TMC1: variants seen among roughly 807,000 people sequenced by gnomAD.
TMC1 encodes the protein transmembrane channel-like protein 1.
Under a neutral mutation model 105.8 loss-of-function variants are expected in TMC1, and 84 were observed. The observed-to-expected ratio is 0.79, with a 90% CI of 0.67 to 0.95. The LOEUF is 0.95. Among genes scored for constraint, TMC1 ranks in the 40% least tolerant of loss-of-function variants. The pLI is 0.00. For missense variants in TMC1, 817 were observed against 914.1 expected (o/e 0.89, Z 1.37); for synonymous variants, 315 against 311.5 (o/e 1.01, Z -0.12).
chr9:72,805,971 G>A (rs955582305), intron 18 of TMC1, among the ~76,000 whole-genome samples: 62 of 152,160 alleles, frequency 4.1e-4, no homozygotes, highest in African/African-American at 1.4e-3. Flanking sequence ...GCAACCATCC[G>A]ATTTCTCAAT....
At position 72,830,436 on chromosome 9, in the gene TMC1, T is replaced by C; in HGVS notation, c.2130-15T>C. ...AAATATACCTTACACTGTATTTTTTTTCTTTTTAATTTAGTTTGGCCATCT... is the reference window on the plus strand; with the variant it reads ...AAATATACCTTACACTGTATTTTTTCTCTTTTTAATTTAGTTTGGCCATCT... On this transcript the variant is annotated splice_polypyrimidine_tract_variant and intron_variant, in intron 21 of 23. Transcript: ENST00000297784. 1.9e-6 allele frequency: 3 copies of C among 1,592,670 alleles called. No homozygotes were observed. The highest frequency in any genetic ancestry group is 2.6e-6 in the Non-Finnish European group (3 of 1,161,260).
chr9:72,687,351 C>T (rs1166295704), intron 5 of TMC1, among the ~76,000 whole-genome samples: 2 of 152,098 alleles, frequency 1.3e-5, no homozygotes, highest in Non-Finnish European at 2.9e-5. Flanking sequence ...CCTTCTTTGA[C>T]TGAAGAAGCT....
intron 8 of TMC1, among the ~76,000 whole-genome samples, chr9:72,739,564 G>A (rs1156978050): frequency 1.3e-5 from 2 of 152,108 alleles, no homozygotes; most frequent in Non-Finnish European, 1.5e-5. Context: ...ATGTGAGGCC[G>A]AAAGTATTCC....
At chr9:72,530,183 T>C (rs1823474927) in intron 1 of TMC1, among the ~76,000 whole-genome samples, 1 of 152,096 alleles carries the variant, frequency 6.6e-6, no homozygotes, top group Non-Finnish European at 1.5e-5. Context: ...GTTTCTTTCT[T>C]TCTTTCTTTC....
At chr9:72,743,854 T>G (rs1289828894) in intron 10 of TMC1, among the ~76,000 whole-genome samples, 4 of 152,166 alleles carry the variant, frequency 2.6e-5, no homozygotes, top group Non-Finnish European at 5.9e-5. Flanking sequence ...AAAATAATAA[T>G]CTAAAAAAAG....
At chr9:72,783,860 C>T (rs1168084248) in intron 13 of TMC1, among the ~76,000 whole-genome samples, 1 of 152,148 alleles carries the variant, frequency 6.6e-6, no homozygotes, top group Non-Finnish European at 1.5e-5. Context: ...AAGCTGGACT[C>T]TTTCCTTTCA....
intron 3 of TMC1, among the ~76,000 whole-genome samples, chr9:72,622,505 A>G (rs751717179): frequency 5.3e-5 from 8 of 152,148 alleles, no homozygotes; most frequent in Non-Finnish European, 8.8e-5. Flanking sequence ...TCCTTTTAAA[A>G]TTCTTGATGC....
At position 72,589,986 on chromosome 9, in the gene TMC1, G is replaced by A. The variant is rs990125232; in HGVS notation, c.-306+11963G>A. ...CTGTGTTTGGGCTGAGGGAGAAGCA[G>A]CTTCTTAGCTTCTGCTATGCTGACT... On this transcript the variant is annotated intron_variant, in intron 2 of 23. Transcript: ENST00000297784. Among the ~76,000 whole-genome samples the A allele has an allele frequency of 3.3e-5, 5 of 152,306 alleles. No individual in the cohort carries two copies. In the South Asian group the frequency reaches 8.3e-4, roughly 25 times the overall value.
At chr9:72,657,741 G>T (rs1370640140) in intron 5 of TMC1, among the ~76,000 whole-genome samples, 1 of 152,090 alleles carries the variant, frequency 6.6e-6, no homozygotes, top group Non-Finnish European at 1.5e-5. Flanking sequence ...GAAACTTGAA[G>T]AAGGGTTGTA....
intron 8 of TMC1, among the ~76,000 whole-genome samples, chr9:72,737,581 A>G (rs528537309): frequency 6.6e-6 from 1 of 152,154 alleles, no homozygotes. Context: ...AGCATCAGAA[A>G]CATGGGCAAG....
intron 5 of TMC1, among the ~76,000 whole-genome samples, chr9:72,685,853 G>A (rs36043078): frequency 0.046 from 6,972 of 152,208 alleles, 206 homozygotes; most frequent in Middle Eastern, 0.068. Context: ...ATTGCTTCAA[G>A]AAGTAAATGT....
At chr9:72,647,433 T>C (rs952456992) in intron 4 of TMC1, among the ~76,000 whole-genome samples, 1 of 152,152 alleles carries the variant, frequency 6.6e-6, no homozygotes, top group African/African-American at 2.4e-5. Flanking sequence ...ATAAATCAAA[T>C]TGCATGTTGT....
At chr9:72,659,804 T>A (rs1364845853) in intron 5 of TMC1, among the ~76,000 whole-genome samples, 3 of 152,218 alleles carry the variant, frequency 2.0e-5, no homozygotes, top group Non-Finnish European at 4.4e-5. Context: ...TTAGAACTTT[T>A]ATGAGAAAGA....
intron 7 of TMC1, among the ~76,000 whole-genome samples, chr9:72,697,876 GTTTTA>G (rs1215861503): frequency 1.3e-5 from 2 of 151,862 alleles, no homozygotes; most frequent in Non-Finnish European, 2.9e-5. Flanking sequence ...CTTGCCATCT[GTTTTA>G]TTTTATTTTT....
At chr9:72,686,749 G>T (rs1826386676) in intron 5 of TMC1, among the ~76,000 whole-genome samples, 1 of 152,204 alleles carries the variant, frequency 6.6e-6, no homozygotes, top group Non-Finnish European at 1.5e-5. Flanking sequence ...AGATGACCAT[G>T]CACAGACCAG....
chr9:72,761,593 C>A (rs1365758513), intron 12 of TMC1, among the ~76,000 whole-genome samples: 1 of 152,152 alleles, frequency 6.6e-6, no homozygotes, highest in Non-Finnish European at 1.5e-5. Flanking sequence ...TAAATTTTAT[C>A]CTCATAACAA....
chr9:72,656,614 A>G (rs1347023155), intron 5 of TMC1, among the ~76,000 whole-genome samples: 1 of 152,162 alleles, frequency 6.6e-6, no homozygotes, highest in Non-Finnish European at 1.5e-5. Context: ...TGATTTGATT[A>G]CTATTCTGGT....
chr9:72,640,073 C>G (rs1825600824), intron 4 of TMC1, among the ~76,000 whole-genome samples: 1 of 152,130 alleles, frequency 6.6e-6, no homozygotes, highest in African/African-American at 2.4e-5. Flanking sequence ...GTGCTTAACA[C>G]AGTGCCCAGC....
chr9:72,768,152 G>A (rs947540565), intron 12 of TMC1, among the ~76,000 whole-genome samples: 1 of 152,152 alleles, frequency 6.6e-6, no homozygotes, highest in Non-Finnish European at 1.5e-5. Context: ...CATAAAAAAG[G>A]ATGGGTTCAT....
Sources: allele counts gnomAD v4.1 joint callset (sites outside exome capture counted in the v4.1 genomes callset), GRCh38; gene constraint gnomAD v4.1.1; transcripts MANE v1.5; gene names NCBI Gene and HGNC (gene_info 2026-07-23, HGNC 2026-07-21).